Variants in EXOC6 observed in about 807,000 individuals in gnomAD.
EXOC6 encodes the protein exocyst complex component 6, also known as SEC15-like 1.
Under a neutral mutation model 112.5 loss-of-function variants are expected in EXOC6, and 60 were observed. The observed-to-expected ratio is 0.53, with a 90% confidence interval of 0.43 to 0.66. EXOC6 has a LOEUF of 0.66. EXOC6 is among the 30% of genes least tolerant of loss of function. The pLI, the probability that EXOC6 is intolerant of heterozygous loss-of-function variation, is 0.00. For synonymous variants in EXOC6, 295 were observed against 308.0 expected (o/e 0.96, Z 0.44); for missense variants, 855 against 957.1 (o/e 0.89, Z 1.41).
chr10:93,054,384 G>T (rs191963191), intron 20 of EXOC6, among the ~76,000 whole-genome samples: 4 of 152,060 alleles, frequency 2.6e-5, no homozygotes, highest in African/African-American at 4.8e-5. Flanking sequence ...TTGCAAATTC[G>T]TGCAGATTTC....
chr10:92,896,179 ATATTTTTTTTTTTTT>A (rs1849807379), intron 4 of EXOC6, among the ~76,000 whole-genome samples: 2 of 13,070 alleles, frequency 1.5e-4, no homozygotes, highest in Non-Finnish European at 2.3e-4. Context: ...ATATATATAT[ATATTTTTTTTTTTTT>A]TTTTTTTTTT....
At chr10:92,911,937 G>C (rs1452538333) in intron 6 of EXOC6, among the ~76,000 whole-genome samples, 1 of 47,096 alleles carries the variant, frequency 2.1e-5, no homozygotes, top group Admixed American at 3.3e-4. Flanking sequence ...CTCTCTGTGT[G>C]CGTGTGTGTG....
intron 4 of EXOC6, among the ~76,000 whole-genome samples, chr10:92,898,885 T>C (rs964785450): frequency 6.6e-6 from 1 of 152,180 alleles, no homozygotes; most frequent in African/African-American, 2.4e-5. Flanking sequence ...AAGCAAAGTG[T>C]GTACTCATTC....
chr10:92,890,050 T>C lies in EXOC6; in HGVS notation c.102-3299T>C, dbSNP rs185553623. 2.9e-3 allele frequency among the ~76,000 whole-genome samples: 436 copies of C among 152,348 alleles called. 2 individuals are homozygous for C. The highest frequency in any genetic ancestry group is 0.01 in the African/African-American group (418 of 41,588). ...ATTGGGATTGCCTTGAATCTATAGA[T>C]GAAGTTGGGAAGAACTGATACCTTA... On this transcript the variant is annotated intron_variant, in intron 1 of 21. Transcript: ENST00000260762.
intron 1 of EXOC6, among the ~76,000 whole-genome samples, chr10:92,892,817 C>T (rs1162903734): frequency 6.6e-6 from 1 of 152,152 alleles, no homozygotes; most frequent in Non-Finnish European, 1.5e-5. Flanking sequence ...TGGAGCCGGA[C>T]TATCAGGAGT....
rs111586433 is a variant in EXOC6, at chr10:92,837,258, C to T, written c.86+2434C>T. 8.7e-3 allele frequency among the ~76,000 whole-genome samples: 1,321 copies of T among 152,192 alleles called. 11 individuals carry two copies. The highest frequency in any genetic ancestry group is 0.012 in the Non-Finnish European group (834 of 68,004). ...GAAGCCCCTAAGAATGTGATTCATA[C>T]GAGCTCATGGGCTAATGGTGACGAA... On this transcript the variant is annotated intron_variant, in intron 1 of 21. Transcript: ENST00000371552.
At chr10:93,048,263 T>TA (rs374081551) in intron 20 of EXOC6, among the ~76,000 whole-genome samples, 1,731 of 142,482 alleles carry the variant, frequency 0.012, 38 homozygotes, top group African/African-American at 0.04. Flanking sequence ...TAAAGTATAA[T>TA]AAAAAAAAAA....
At chr10:92,839,986 C>G (rs994217814) in intron 1 of EXOC6, among the ~76,000 whole-genome samples, 5 of 152,048 alleles carry the variant, frequency 3.3e-5, no homozygotes, top group African/African-American at 9.7e-5. Flanking sequence ...CACTTGTATT[C>G]ACAGACTCTC....
rs1843433036 is a variant in EXOC6, at chr10:92,995,175, CATG to C, written c.1954-2296_1954-2294del. 2.0e-5 allele frequency among the ~76,000 whole-genome samples: 3 copies of C among 151,732 alleles called. No individual in the cohort carries two copies. In the South Asian group the frequency reaches 6.2e-4, roughly 32 times the overall value. ...TCAATGTTAGGATTTTAGTATTACG[CATG>C]ATATTTAAATAAAGAGCTAAATTTG... On this transcript the variant is annotated intron_variant, in intron 18 of 21. Coordinates refer to ENST00000260762, the MANE Select transcript of EXOC6 (RefSeq NM_019053.6).
intron 1 of EXOC6, among the ~76,000 whole-genome samples, chr10:92,835,156 A>G (rs1294845195): frequency 6.6e-6 from 1 of 152,210 alleles, no homozygotes; most frequent in East Asian, 1.9e-4. Flanking sequence ...ATTCAGAACA[A>G]TTAGACATAT....
At chr10:93,029,973 A>G (rs1046822866) in intron 20 of EXOC6, among the ~76,000 whole-genome samples, 1 of 149,764 alleles carries the variant, frequency 6.7e-6, no homozygotes, top group East Asian at 2.0e-4. Flanking sequence ...CAATGGCGCG[A>G]TCTCGGCTCA....
intron 20 of EXOC6, among the ~76,000 whole-genome samples, chr10:93,043,637 T>C (rs1184527600): frequency 6.6e-6 from 1 of 152,214 alleles, no homozygotes; most frequent in Admixed American, 6.5e-5. Flanking sequence ...CCTATTTTGC[T>C]TAGAAATGTC....
intron 20 of EXOC6, among the ~76,000 whole-genome samples, chr10:93,025,813 T>C (rs1845001144): frequency 6.6e-6 from 1 of 152,226 alleles, no homozygotes; most frequent in African/African-American, 2.4e-5. Flanking sequence ...ACCAGGTGAC[T>C]ACATCTATAG....
intron 1 of EXOC6, among the ~76,000 whole-genome samples, chr10:92,852,117 A>G (rs906995350): frequency 6.6e-6 from 1 of 152,232 alleles, no homozygotes; most frequent in Non-Finnish European, 1.5e-5. Flanking sequence ...TACATTTGGC[A>G]ACTTAGCAGA....
intron 4 of EXOC6, among the ~76,000 whole-genome samples, chr10:92,896,761 G>A (rs1355746084): frequency 2.0e-5 from 3 of 151,974 alleles, no homozygotes; most frequent in Non-Finnish European, 4.4e-5. Flanking sequence ...TCACCATGTT[G>A]GGCAGGCTGG....
At chr10:92,928,830 T>C (rs968328664) in intron 9 of EXOC6, among the ~76,000 whole-genome samples, 1 of 152,238 alleles carries the variant, frequency 6.6e-6, no homozygotes, top group African/African-American at 2.4e-5. Context: ...GGAACTGTTC[T>C]ATATATTGGT....
At chr10:93,037,096 T>C (rs1432160916) in intron 20 of EXOC6, among the ~76,000 whole-genome samples, 1 of 152,142 alleles carries the variant, frequency 6.6e-6, no homozygotes, top group East Asian at 1.9e-4. Context: ...CTATATCTTT[T>C]CTCTCAAAAT....
intron 20 of EXOC6, among the ~76,000 whole-genome samples, chr10:93,029,564 A>G (rs1280575325): frequency 6.6e-6 from 1 of 152,206 alleles, no homozygotes; most frequent in Non-Finnish European, 1.5e-5. Flanking sequence ...GTATTGTTGT[A>G]AATGTCTTCT....
At chr10:92,848,663 GC>G (rs1053119340) in intron 1 of EXOC6, 29 bp downstream of exon 1, 20 of 1,314,712 alleles carry the variant, frequency 1.5e-5, no homozygotes, top group South Asian at 7.8e-5. Context: ...CGGGACTTCG[GC>G]CCCCCGCCCC....
Sources: allele counts gnomAD v4.1 joint callset (sites outside exome capture counted in the v4.1 genomes callset), GRCh38; gene constraint gnomAD v4.1.1; transcripts MANE v1.5; gene names NCBI Gene and HGNC (gene_info 2026-07-23, HGNC 2026-07-21).